Variants in LAMA2 observed in about 807,000 individuals in gnomAD.
LAMA2 encodes the protein laminin subunit alpha-2.
A neutral mutation model predicts 364.8 loss-of-function variants in LAMA2; 269 were observed. The observed-to-expected ratio is 0.74, with a 90% confidence interval of 0.67 to 0.82. The LOEUF (loss-of-function observed/expected upper bound fraction) is 0.82. Ranked by LOEUF, LAMA2 falls within the 40% of genes least tolerant of loss-of-function variation. The pLI, the probability that LAMA2 is intolerant of heterozygous loss-of-function variation, is 0.00. For missense variants in LAMA2, 3,807 were observed against 3,873.2 expected, an observed-to-expected ratio of 0.98 and a Z score of 0.45; for synonymous variants, 1,379 against 1,370.6, an observed-to-expected ratio of 1.01 and a Z score of -0.14.
At chr6:128,993,775 T>C (rs1783754921) in intron 1 of LAMA2, among the ~76,000 whole-genome samples, 1 of 152,196 alleles carries the variant, frequency 6.6e-6, no homozygotes, top group South Asian at 2.1e-4. Flanking sequence ...AGTCTGTTAG[T>C]TCCACCTGGT....
chr6:128,907,053 T>C (rs1777530624), intron 1 of LAMA2, among the ~76,000 whole-genome samples: 1 of 148,732 alleles, frequency 6.7e-6, no homozygotes, highest in Non-Finnish European at 1.5e-5. Flanking sequence ...GTAGTATAGT[T>C]TGAAGTCAGG....
At position 129,190,213 on chromosome 6, in the gene LAMA2, TGAA is replaced by T; in HGVS notation, c.1478_1480del (p.Glu493del). On this transcript the variant is annotated inframe_deletion, in exon 11 of 65. Coordinates refer to ENST00000421865, the MANE Select transcript of LAMA2 (RefSeq NM_000426.4). ...CATCTCTTTATTTGCAGGAAAATGTTGAAGGAGGAGACTGTAGTCGTTGCAAAT... is the reference window on the plus strand; with the variant it reads ...CATCTCTTTATTTGCAGGAAAATGTTGGAGGAGACTGTAGTCGTTGCAAAT... 2 of 1,613,556 alleles carry T rather than the reference TGAA, an allele frequency of 1.2e-6. No homozygotes were observed. The highest frequency in any genetic ancestry group is 1.1e-5 in the South Asian group (1 of 91,060).
At chr6:129,464,256 T>C (rs1783419558) in intron 49 of LAMA2, 34 bp from the exon 50 acceptor site, 4 of 1,574,254 alleles carry the variant, frequency 2.5e-6, no homozygotes, top group African/African-American at 1.4e-5. Flanking sequence ...TGAATAGATA[T>C]GATCTGATTC....
intron 3 of LAMA2, among the ~76,000 whole-genome samples, chr6:129,086,053 C>A (rs17056792): frequency 0.2 from 30,531 of 152,120 alleles, 4,292 homozygotes; most frequent in African/African-American, 0.4. Flanking sequence ...CAATTGAGGT[C>A]ACCACTTTAA....
intron 1 of LAMA2, among the ~76,000 whole-genome samples, chr6:128,953,213 C>G (rs937734180): frequency 6.6e-6 from 1 of 152,080 alleles, no homozygotes; most frequent in Non-Finnish European, 1.5e-5. Flanking sequence ...ATGCTTCTTC[C>G]GAGTGATCAC....
At chr6:129,064,902 A>G (rs1789190299) in intron 3 of LAMA2, among the ~76,000 whole-genome samples, 1 of 152,188 alleles carries the variant, frequency 6.6e-6, no homozygotes, top group Non-Finnish European at 1.5e-5. Context: ...GTACTTCCAA[A>G]CTTATTTTAT....
chr6:129,359,607 T>C (rs776925700), intron 32 of LAMA2, among the ~76,000 whole-genome samples: 27 of 152,132 alleles, frequency 1.8e-4, no homozygotes, highest in Middle Eastern at 3.2e-3. Flanking sequence ...GAACCGTCAA[T>C]GGCATTCATC....
At chr6:129,142,788 G>T (rs1183140842) in intron 4 of LAMA2, among the ~76,000 whole-genome samples, 1 of 151,896 alleles carries the variant, frequency 6.6e-6, no homozygotes, top group Admixed American at 6.6e-5. Flanking sequence ...AATATTTGTG[G>T]GGTTTGCCAA....
intron 12 of LAMA2, among the ~76,000 whole-genome samples, chr6:129,211,838 G>C (rs1312181200): frequency 6.6e-6 from 1 of 152,092 alleles, no homozygotes. Flanking sequence ...TCACTAAACT[G>C]CAAATTCCTG....
chr6:129,253,442 C>T (rs1786408045), intron 14 of LAMA2, among the ~76,000 whole-genome samples: 1 of 152,218 alleles, frequency 6.6e-6, no homozygotes, highest in Non-Finnish European at 1.5e-5. Context: ...GTCTAATCAT[C>T]ATTACCATTT....
intron 4 of LAMA2, among the ~76,000 whole-genome samples, chr6:129,109,914 A>G (rs568433511): frequency 9.4e-4 from 143 of 152,138 alleles, no homozygotes; most frequent in African/African-American, 3.1e-3. Flanking sequence ...ATCCCATTCA[A>G]TTTATTAAAC....
At chr6:129,199,110 A>G (rs1337772194) in intron 12 of LAMA2, among the ~76,000 whole-genome samples, 1 of 152,154 alleles carries the variant, frequency 6.6e-6, no homozygotes, top group Admixed American at 6.5e-5. Context: ...TAAATAAAAT[A>G]TTAACAACCC....
chr6:129,140,298 A>G (rs1418838596), intron 4 of LAMA2, among the ~76,000 whole-genome samples: 1 of 152,132 alleles, frequency 6.6e-6, no homozygotes, highest in Non-Finnish European at 1.5e-5. Flanking sequence ...TGAACAGAGT[A>G]TAATATTGAT....
intron 18 of LAMA2, among the ~76,000 whole-genome samples, chr6:129,283,304 A>G (rs1176645534): frequency 1.3e-5 from 2 of 152,162 alleles, no homozygotes; most frequent in Non-Finnish European, 2.9e-5. Context: ...AGCAATTAAA[A>G]AGACTGTTGA....
chr6:129,282,345 G>A (rs1035296258), intron 18 of LAMA2, among the ~76,000 whole-genome samples: 1 of 152,134 alleles, frequency 6.6e-6, no homozygotes, highest in Admixed American at 6.5e-5. Context: ...GGTGGGACAA[G>A]AGTTATAACT....
At chr6:129,223,891 G>A (rs1784055355) in intron 12 of LAMA2, among the ~76,000 whole-genome samples, 1 of 152,144 alleles carries the variant, frequency 6.6e-6, no homozygotes, top group Admixed American at 6.6e-5. Context: ...GAAAGTCACT[G>A]GTAGCTTGAT....
At chr6:128,911,405 TGCC>T (rs1209223534) in intron 1 of LAMA2, among the ~76,000 whole-genome samples, 1 of 152,132 alleles carries the variant, frequency 6.6e-6, no homozygotes, top group African/African-American at 2.4e-5. Flanking sequence ...ATTTTCCAGG[TGCC>T]GCCCATCACC....
chr6:129,068,634 G>A (rs1398214644), intron 3 of LAMA2, among the ~76,000 whole-genome samples: 2 of 152,116 alleles, frequency 1.3e-5, no homozygotes, highest in Non-Finnish European at 2.9e-5. Flanking sequence ...TGAATTTTAG[G>A]GGAACAGAAA....
intron 28 of LAMA2, among the ~76,000 whole-genome samples, chr6:129,322,287 G>A (rs552026528): frequency 2.6e-5 from 4 of 152,278 alleles, no homozygotes; most frequent in African/African-American, 9.6e-5. Context: ...ATACTGGTAA[G>A]CACTGCTTAT....
Sources: gnomAD v4.1 joint callset for allele counts (sites outside exome capture counted in the v4.1 genomes callset) on GRCh38, gnomAD v4.1.1 for gene constraint, MANE v1.5 for transcripts, NCBI Gene and HGNC (gene_info 2026-07-23, HGNC 2026-07-21) for gene names.